TIAM1: variants seen among roughly 807,000 people sequenced by gnomAD.
TIAM1 encodes the protein rho guanine nucleotide exchange factor TIAM1.
In TIAM1, 65 loss-of-function variants were observed where a neutral mutation model predicts 163.5. The ratio of observed to expected loss-of-function variants is 0.40; its 90% CI spans 0.33 to 0.49. The LOEUF (loss-of-function observed/expected upper bound fraction) is 0.49, where lower values mean the gene tolerates loss of function less well. Ranked by LOEUF, TIAM1 falls within the 20% of genes least tolerant of loss-of-function variation. The pLI, the probability that TIAM1 is intolerant of heterozygous loss-of-function variation, is 0.77. For missense variants in TIAM1, 1,789 were observed against 2,044.7 expected, an observed-to-expected ratio of 0.87 and a Z score of 2.41; for synonymous variants, 833 against 810.1, an observed-to-expected ratio of 1.03 and a Z score of -0.48.
upstream of TIAM1, among the ~76,000 whole-genome samples, chr21:31,349,235 A>C (rs2076196316): frequency 6.6e-6 from 1 of 152,252 alleles, no homozygotes; most frequent in South Asian, 2.1e-4. Flanking sequence ...CAAAGTCAAC[A>C]GGGTCAGGAC....
chr21:31,381,043 TAAC>T (rs1280764561), intron 2 of TIAM1, among the ~76,000 whole-genome samples: 2 of 152,148 alleles, frequency 1.3e-5, no homozygotes, highest in Non-Finnish European at 2.9e-5. Flanking sequence ...AGTAAATAAA[TAAC>T]AACAACAAAA....
intron 6 of TIAM1, among the ~76,000 whole-genome samples, chr21:31,245,151 C>T (rs1307264160): frequency 6.6e-6 from 1 of 151,952 alleles, no homozygotes; most frequent in African/African-American, 2.4e-5. Flanking sequence ...AAGAAATTCA[C>T]GATCCCTTTC....
chr21:31,269,796 C>T (rs1482069744), intron 3 of TIAM1, among the ~76,000 whole-genome samples: 5 of 151,934 alleles, frequency 3.3e-5, no homozygotes, highest in Admixed American at 2.6e-4. Context: ...CTCAGCCTCC[C>T]GAGTAGCTGG....
At chr21:31,190,846 A>G (rs1193094871) in intron 13 of TIAM1, among the ~76,000 whole-genome samples, 2 of 152,190 alleles carry the variant, frequency 1.3e-5, no homozygotes, top group African/African-American at 2.4e-5. Context: ...TCTCCTCCCT[A>G]AAGTGTTCTA....
chr21:31,535,158 G>A lies in TIAM1; in HGVS notation c.-422+23769C>T, dbSNP rs189632315. On this transcript the variant is annotated intron_variant, in intron 1 of 28. Coordinates refer to the TIAM1 transcript ENST00000286827. ...AGCACTTTGGGAGGCCAAGGCAGGC[G>A]AATCACAAGGTCAGGAGTTCGAGAC... is the stretch of plus-strand genomic sequence containing the variant. Among the ~76,000 whole-genome samples, 183 of 151,568 alleles carry A rather than the reference G, an allele frequency of 1.2e-3. 1 individual carries two copies. The highest frequency in any genetic ancestry group is 3.8e-3 in the African/African-American group (156 of 41,330).
At chr21:31,441,739 G>A (rs1446435767) in intron 2 of TIAM1, among the ~76,000 whole-genome samples, 6 of 151,958 alleles carry the variant, frequency 3.9e-5, no homozygotes, top group South Asian at 4.1e-4. Context: ...CTTGTTAAAA[G>A]AGTAATGAAG....
At chr21:31,241,197 G>A (rs796937107) in intron 6 of TIAM1, among the ~76,000 whole-genome samples, 28 of 152,228 alleles carry the variant, frequency 1.8e-4, no homozygotes, top group Middle Eastern at 3.4e-3. Flanking sequence ...CTTTATTAGC[G>A]GCTAAGAGAG....
At chr21:31,267,705 G>A (rs1343538899) in intron 3 of TIAM1, among the ~76,000 whole-genome samples, 7 of 151,318 alleles carry the variant, frequency 4.6e-5, no homozygotes, top group Admixed American at 2.6e-4. Flanking sequence ...TTTGGGGAGG[G>A]CTATGGAGGG....
At chr21:31,499,256 T>C (rs1335735258) in intron 1 of TIAM1, among the ~76,000 whole-genome samples, 2 of 151,974 alleles carry the variant, frequency 1.3e-5, no homozygotes, top group African/African-American at 4.8e-5. Flanking sequence ...TACACATAAA[T>C]GACATACTTT....
At chr21:31,452,067 A>G (rs2044881566) in intron 2 of TIAM1, among the ~76,000 whole-genome samples, 1 of 152,164 alleles carries the variant, frequency 6.6e-6, no homozygotes, top group South Asian at 2.1e-4. Context: ...GGCACATCCT[A>G]AGGTGATCGA....
At chr21:31,451,601 C>A (rs1300537837) in intron 2 of TIAM1, among the ~76,000 whole-genome samples, 2 of 152,062 alleles carry the variant, frequency 1.3e-5, no homozygotes, top group Non-Finnish European at 2.9e-5. Context: ...CCAGGAAGGA[C>A]AGACAAGCTC....
intron 2 of TIAM1, among the ~76,000 whole-genome samples, chr21:31,391,690 A>G (rs2076968215): frequency 6.6e-6 from 1 of 152,172 alleles, no homozygotes; most frequent in South Asian, 2.1e-4. Flanking sequence ...TTTATTTTAC[A>G]ATTTGTTACC....
chr21:31,170,495 GA>G (rs2084450236), intron 15 of TIAM1, among the ~76,000 whole-genome samples: 2 of 151,844 alleles, frequency 1.3e-5, no homozygotes, highest in South Asian at 4.1e-4. Flanking sequence ...TTTTATGAAA[GA>G]AAAAAAGGCC....
At chr21:31,253,628 G>C (rs574116417) in intron 4 of TIAM1, among the ~76,000 whole-genome samples, 1 of 152,300 alleles carries the variant, frequency 6.6e-6, no homozygotes, top group Non-Finnish European at 1.5e-5. Flanking sequence ...GGCAGCAGGA[G>C]ATTGCTGGGT....
At chr21:31,349,987 G>A (rs988003674) in intron 2 of TIAM1, among the ~76,000 whole-genome samples, 4 of 152,252 alleles carry the variant, frequency 2.6e-5, no homozygotes, top group Admixed American at 6.5e-5. Flanking sequence ...TTTCAATCAG[G>A]AAATAAGCCA....
intron 2 of TIAM1, among the ~76,000 whole-genome samples, chr21:31,280,262 A>G (rs1325819657): frequency 6.6e-6 from 1 of 152,188 alleles, no homozygotes; most frequent in Non-Finnish European, 1.5e-5. Flanking sequence ...ACGTAGTTGA[A>G]TCATGGAGGT....
chr21:31,425,185 T>C (rs1312790095), intron 2 of TIAM1, among the ~76,000 whole-genome samples: 1 of 152,198 alleles, frequency 6.6e-6, no homozygotes, highest in Non-Finnish European at 1.5e-5. Flanking sequence ...TGAACTCTCT[T>C]CCACGGTGGC....
intron 2 of TIAM1, among the ~76,000 whole-genome samples, chr21:31,336,375 GA>G (rs1283290236): frequency 1.3e-5 from 2 of 152,078 alleles, no homozygotes; most frequent in Non-Finnish European, 2.9e-5. Context: ...CACTGTGCCT[GA>G]AGCCAAGAGA....
At chr21:31,401,012 C>G (rs969432566) in intron 2 of TIAM1, among the ~76,000 whole-genome samples, 7 of 152,010 alleles carry the variant, frequency 4.6e-5, no homozygotes, top group African/African-American at 1.7e-4. Flanking sequence ...AGCAAAACTA[C>G]TCTTGCCTGG....
Sources: gnomAD v4.1 joint callset for allele counts (sites outside exome capture counted in the v4.1 genomes callset) on GRCh38, gnomAD v4.1.1 for gene constraint, MANE v1.5 for transcripts, NCBI Gene and HGNC (gene_info 2026-07-23, HGNC 2026-07-21) for gene names.